RNF152: variants seen among roughly 807,000 people sequenced by gnomAD.
RNF152 encodes ring finger protein 152.
Under a neutral mutation model 12.7 loss-of-function variants are expected in RNF152, and 11 were observed. The ratio of observed to expected loss-of-function variants is 0.86; its 90% confidence interval spans 0.54 to 1.43. The LOEUF (loss-of-function observed/expected upper bound fraction) is 1.43, where lower values mean the gene tolerates loss of function less well. RNF152 is among the 40% of genes most tolerant of loss of function. The probability of loss-of-function intolerance (pLI) is 0.00; values close to 1 mark genes in which losing one functional copy is unlikely to be tolerated. For synonymous variants in RNF152, 113 were observed against 120.3 expected (o/e 0.94, Z 0.40); for missense variants, 255 against 274.8 (o/e 0.93, Z 0.51).
chr18:61,891,436 A>T (rs62094961), intron 1 of RNF152, among the ~76,000 whole-genome samples: 2 of 34,110 alleles, frequency 5.9e-5, no homozygotes, highest in Non-Finnish European at 1.1e-4. Flanking sequence ...TCTTTCTATT[A>T]AAAAAAAAAC....
intron 1 of RNF152, among the ~76,000 whole-genome samples, chr18:61,874,678 G>A (rs533812660): frequency 4.6e-5 from 7 of 152,274 alleles, no homozygotes; most frequent in South Asian, 2.1e-4. Flanking sequence ...ATAAAGCACC[G>A]CCAAGTAGTT....
At chr18:61,870,805 G>A (rs989742773) in intron 1 of RNF152, among the ~76,000 whole-genome samples, 11 of 152,124 alleles carry the variant, frequency 7.2e-5, no homozygotes, top group Non-Finnish European at 4.4e-5. Context: ...CAGCATCCCT[G>A]TTTCTCTCTG....
intron 1 of RNF152, among the ~76,000 whole-genome samples, chr18:61,830,506 T>C (rs750710914): frequency 6.6e-6 from 1 of 152,222 alleles, no homozygotes; most frequent in African/African-American, 2.4e-5. Flanking sequence ...ATTGTCCTAA[T>C]ATTTGTCTGG....
chr18:61,883,601 A>G (rs1170225316), intron 1 of RNF152, among the ~76,000 whole-genome samples: 1 of 152,136 alleles, frequency 6.6e-6, no homozygotes, highest in Non-Finnish European at 1.5e-5. Context: ...GCTCATCCCA[A>G]TTTTTCTGGG....
rs974346541 is a variant in RNF152, at chr18:61,839,739, C to CA, written c.-135-23142dup. Among the ~76,000 whole-genome samples, 22 of 152,150 alleles carry CA rather than the reference C, an allele frequency of 1.4e-4. 1 individual carries two copies. Among genetic ancestry groups the CA allele is most frequent in the African/African-American group, 5.3e-4 (22 of 41,524 alleles). On this transcript the variant is annotated intron_variant, in intron 1 of 1. Coordinates refer to ENST00000312828, the MANE Select transcript of RNF152 (RefSeq NM_173557.3). ...CGACACCCTGTCTCTACTAAAAATA[C>CA]AAAAAAATTGCTGGGCGTGGTGGTG...
intron 1 of RNF152, among the ~76,000 whole-genome samples, chr18:61,868,430 C>T (rs1256733731): frequency 1.3e-5 from 2 of 152,088 alleles, no homozygotes; most frequent in Admixed American, 6.5e-5. Flanking sequence ...GGTTTTAGGT[C>T]GGGTGCAGTG....
Position 61,815,170 on chromosome 18 carries a change from C to G in RNF152, c.*682G>C, listed in dbSNP as rs1006337860. ...TCTCATGATTTCTCGGTTTATTGCT[C>G]CCCTGTTGAGCTTTCAGTTCCATAA... On this transcript the variant is annotated 3_prime_UTR_variant, in exon 2 of 2. Transcript: ENST00000312828. 2 of 152,562 alleles carry G rather than the reference C, an allele frequency of 1.3e-5. No individual in the cohort carries two copies. The highest frequency in any genetic ancestry group is 4.8e-5 in the African/African-American group (2 of 41,418). The allele number at this position is 152,562 out of a possible 1,614,324, so 9.5% of individuals were successfully genotyped here. A position where few individuals can be genotyped will look rare whatever the true frequency, so the allele number is the denominator to read the frequency against.
chr18:61,856,073 A>T (rs532937289), intron 1 of RNF152, among the ~76,000 whole-genome samples: 2 of 152,248 alleles, frequency 1.3e-5, no homozygotes, highest in South Asian at 4.2e-4. Context: ...CAGGGTTCTC[A>T]TCTGCAAGGG....
At chr18:61,818,523 A>G (rs185305976) in intron 1 of RNF152, among the ~76,000 whole-genome samples, 100 of 152,394 alleles carry the variant, frequency 6.6e-4, no homozygotes, top group Middle Eastern at 3.4e-3. Context: ...AAAGATCAAC[A>G]TACTTTAAAA....
intron 1 of RNF152, among the ~76,000 whole-genome samples, chr18:61,884,807 C>G (rs1428423962): frequency 6.6e-6 from 1 of 152,206 alleles, no homozygotes; most frequent in East Asian, 1.9e-4. Flanking sequence ...GATCTGCCTG[C>G]CTCAGCCTCC....
intron 1 of RNF152, among the ~76,000 whole-genome samples, chr18:61,841,981 C>CT (rs1329764360): frequency 6.6e-6 from 1 of 152,174 alleles, no homozygotes. Flanking sequence ...TCCAATAAAA[C>CT]TTTATTTACA....
intron 1 of RNF152, among the ~76,000 whole-genome samples, chr18:61,828,225 G>C (rs1426161919): frequency 6.8e-6 from 1 of 148,042 alleles, no homozygotes; most frequent in East Asian, 2.0e-4. Flanking sequence ...CAGAGAATTT[G>C]AGTTTGCGTT....
chr18:61,879,965 CAA>C (rs11341958), intron 1 of RNF152, among the ~76,000 whole-genome samples: 6,748 of 140,164 alleles, frequency 0.048, 210 homozygotes, highest in Middle Eastern at 0.071. Flanking sequence ...AACTCCATCT[CAA>C]AAAAAAAAAA....
intron 1 of RNF152, among the ~76,000 whole-genome samples, chr18:61,867,090 G>A: frequency 6.6e-6 from 1 of 152,230 alleles, no homozygotes; most frequent in Admixed American, 6.5e-5. Context: ...AGCTGAAGTA[G>A]GAAGAAAGCC....
rs1443264316 is a variant in RNF152, at chr18:61,816,330, C to A, written c.134G>T (p.Ser45Ile). 6.2e-7 allele frequency: 1 copy of A among 1,614,228 alleles called. No individual in the cohort carries two copies. The highest frequency in any genetic ancestry group is 1.1e-5 in the South Asian group (1 of 91,084). ...CCAGGGGCACCGCACATCCTTCTGGCTGGTCCTCATCTGCTGCAGGCACAC... is the reference window on the plus strand; with the variant it reads ...CCAGGGGCACCGCACATCCTTCTGGATGGTCCTCATCTGCTGCAGGCACAC... Reference protein sequence around the residue: ...CSVCLQQMRTSQKDVRCPWCR... With the variant: ...CSVCLQQMRTIQKDVRCPWCR... The change falls in exon 2 of 2, where the codon AGC (serine) becomes ATC (isoleucine). Residue 45 changes from serine (S) to isoleucine (I), a missense_variant. By Grantham distance (142) the Ser-to-Ile change is moderately radical. Coordinates refer to ENST00000312828, the MANE Select transcript of RNF152 (RefSeq NM_173557.3).
intron 1 of RNF152, among the ~76,000 whole-genome samples, chr18:61,844,203 G>A (rs1265041004): frequency 7.0e-6 from 1 of 143,608 alleles, no homozygotes; most frequent in South Asian, 2.4e-4. Context: ...GGGAAGGAGG[G>A]AGGGAAGGAG....
rs114929767 is a variant in RNF152, at chr18:61,830,359, C to T, written c.-135-13761G>A. 2.1e-3 allele frequency among the ~76,000 whole-genome samples: 317 copies of T among 152,180 alleles called. 1 individual carries two copies. The highest frequency in any genetic ancestry group is 7.4e-3 in the African/African-American group (308 of 41,534). On this transcript the variant is annotated intron_variant, in intron 1 of 1. Coordinates refer to ENST00000312828, the MANE Select transcript of RNF152 (RefSeq NM_173557.3). ...AGCTTTTTTATCATCCCAAACAGAACTCCATACTCATTCAACAACCGCTCC... is the reference window on the plus strand; with the variant it reads ...AGCTTTTTTATCATCCCAAACAGAATTCCATACTCATTCAACAACCGCTCC...
chr18:61,824,595 T>C (rs935837018), intron 1 of RNF152, among the ~76,000 whole-genome samples: 2 of 152,226 alleles, frequency 1.3e-5, no homozygotes, highest in African/African-American at 2.4e-5. Flanking sequence ...CAGAAAATGC[T>C]ACAACTTCAA....
chr18:61,881,164 T>G (rs1327522208), intron 1 of RNF152, among the ~76,000 whole-genome samples: 3 of 152,176 alleles, frequency 2.0e-5, no homozygotes, highest in Admixed American at 2.0e-4. Flanking sequence ...TCCACCCACC[T>G]CAGCCTCCCA....
Sources: allele counts gnomAD v4.1 joint callset (sites outside exome capture counted in the v4.1 genomes callset), GRCh38; gene constraint gnomAD v4.1.1; transcripts MANE v1.5; gene names NCBI Gene and HGNC (gene_info 2026-07-23, HGNC 2026-07-21).